Variants in PIAS1 observed in about 807,000 individuals in gnomAD.
PIAS1 encodes the protein E3 SUMO-protein ligase PIAS1.
A neutral mutation model predicts 71.3 loss-of-function variants in PIAS1; 6 were observed. The observed-to-expected ratio is 0.08, with a 90% confidence interval of 0.05 to 0.17. PIAS1 has a LOEUF of 0.17. PIAS1 is among the 10% of genes least tolerant of loss of function. The probability of loss-of-function intolerance (pLI) is 1.00; values close to 1 mark genes in which losing one functional copy is unlikely to be tolerated. For missense variants in PIAS1, 555 were observed against 793.6 expected (o/e 0.70, Z 3.61); for synonymous variants, 303 against 292.9 (o/e 1.03, Z -0.35).
At chr15:68,107,291 G>A (rs1404630320) in intron 2 of PIAS1, among the ~76,000 whole-genome samples, 1 of 152,142 alleles carries the variant, frequency 6.6e-6, no homozygotes, top group Non-Finnish European at 1.5e-5. Flanking sequence ...TAGCAAGTAT[G>A]CTTAGGTATG....
intron 12 of PIAS1, among the ~76,000 whole-genome samples, chr15:68,183,182 A>G (rs1354312809): frequency 1.3e-5 from 2 of 152,144 alleles, no homozygotes; most frequent in Admixed American, 6.5e-5. Context: ...TTAAGAAAGA[A>G]AAATCAGTAC....
intron 2 of PIAS1, among the ~76,000 whole-genome samples, chr15:68,106,932 C>T (rs1319540458): frequency 6.6e-6 from 1 of 152,058 alleles, no homozygotes; most frequent in Admixed American, 6.6e-5. Context: ...ATTTAGGGGC[C>T]ACATAGTTTG....
At chr15:68,119,608 A>G (rs1567050184) in intron 2 of PIAS1, among the ~76,000 whole-genome samples, 1 of 152,148 alleles carries the variant, frequency 6.6e-6, no homozygotes, top group Non-Finnish European at 1.5e-5. Flanking sequence ...ATCTTGGTAA[A>G]TGTTCTGTGT....
At chr15:68,082,021 C>G (rs1186947814) in intron 1 of PIAS1, among the ~76,000 whole-genome samples, 3 of 151,984 alleles carry the variant, frequency 2.0e-5, no homozygotes, top group African/African-American at 7.2e-5. Flanking sequence ...GATTATGGGT[C>G]AGATTGGTAC....
chr15:68,121,858 T>C (rs1222044003), intron 2 of PIAS1, among the ~76,000 whole-genome samples: 1 of 152,170 alleles, frequency 6.6e-6, no homozygotes, highest in African/African-American at 2.4e-5. Flanking sequence ...CTGGGCATGG[T>C]GGCTCACACC....
At chr15:68,133,161 G>A (rs2092699091) in intron 2 of PIAS1, among the ~76,000 whole-genome samples, 1 of 151,664 alleles carries the variant, frequency 6.6e-6, no homozygotes, top group Non-Finnish European at 1.5e-5. Context: ...TTTGGTTTTA[G>A]GGTATTCTAT....
At chr15:68,139,732 T>C (rs2141044541) in intron 2 of PIAS1, among the ~76,000 whole-genome samples, 2 of 152,266 alleles carry the variant, frequency 1.3e-5, no homozygotes, top group South Asian at 4.1e-4. Flanking sequence ...AGATTTCAGG[T>C]TTTATGTAAA....
intron 1 of PIAS1, among the ~76,000 whole-genome samples, chr15:68,075,855 C>T (rs190755225): frequency 6.7e-6 from 1 of 149,010 alleles, no homozygotes; most frequent in East Asian, 2.0e-4. Flanking sequence ...GATCTTGGCT[C>T]ACTACAACCT....
intron 1 of PIAS1, among the ~76,000 whole-genome samples, chr15:68,057,035 T>G (rs1460078442): frequency 6.6e-6 from 1 of 152,332 alleles, no homozygotes; most frequent in Non-Finnish European, 1.5e-5. Flanking sequence ...TACTTCATTT[T>G]GCTGTGGATT....
rs565767775 is a variant in PIAS1, at chr15:68,076,273, G to A, written c.25-10033G>A. Reference sequence around the variant, plus strand: ...CGAATGTAATCCTATCACTTTGGGAGGCCGAGGTGGGTGGATCATGTCAGG... The same window carrying A: ...CGAATGTAATCCTATCACTTTGGGAAGCCGAGGTGGGTGGATCATGTCAGG... On this transcript the variant is annotated intron_variant, in intron 1 of 13. Coordinates refer to ENST00000249636, the MANE Select transcript of PIAS1 (RefSeq NM_016166.3). Among the ~76,000 whole-genome samples, 4 of 152,246 alleles carry A rather than the reference G, an allele frequency of 2.6e-5. No homozygotes were observed. The South Asian group carries it at 8.3e-4, about 32-fold the overall frequency.
At chr15:68,121,921 T>C (rs1413355130) in intron 2 of PIAS1, among the ~76,000 whole-genome samples, 1 of 151,982 alleles carries the variant, frequency 6.6e-6, no homozygotes, top group East Asian at 1.9e-4. Context: ...TGAGTCCAAG[T>C]GTTTGAGACC....
chr15:68,193,833 G>T lies in PIAS1; in HGVS notation c.*5998G>T. On this transcript the variant is annotated 3_prime_UTR_variant, in exon 14 of 14. Transcript: ENST00000249636. ...AAATCAATACAAATCTTTTATTAAAGATCTACTCATACCATGGCTGAAATC... is the reference window on the plus strand; with the variant it reads ...AAATCAATACAAATCTTTTATTAAATATCTACTCATACCATGGCTGAAATC... The T allele has an allele frequency of 1.8e-6, 1 of 557,536 alleles. No homozygotes were observed. Among genetic ancestry groups the T allele is most frequent in the Non-Finnish European group, 3.2e-6 (1 of 308,440 alleles). 34.5% of individuals were successfully genotyped at this position (557,536 alleles called of 1,614,324 possible).
chr15:68,074,807 A>G (rs2092139887), intron 1 of PIAS1, among the ~76,000 whole-genome samples: 1 of 151,886 alleles, frequency 6.6e-6, no homozygotes, highest in African/African-American at 2.4e-5. Context: ...GTGCTTTTAA[A>G]AAAATTGCTT....
intron 2 of PIAS1, among the ~76,000 whole-genome samples, chr15:68,121,869 T>C (rs879710814): frequency 6.6e-6 from 1 of 152,210 alleles, no homozygotes; most frequent in African/African-American, 2.4e-5. Context: ...GGCTCACACC[T>C]GTAATCCCAG....
chr15:68,170,937 G>A (rs1319942614), intron 8 of PIAS1, among the ~76,000 whole-genome samples: 1 of 152,070 alleles, frequency 6.6e-6, no homozygotes, highest in East Asian at 1.9e-4. Flanking sequence ...CACCACACCT[G>A]GCCACTGTAA....
In PIAS1 at chr15:68,081,668, G is replaced by A. The variant is rs563390397; in HGVS notation, c.25-4638G>A. Reference sequence around the variant, plus strand: ...GTAAGCGTTAGGAGATAAAATTGAGGAAAATCCCAGAAGATAGAGCTAAAA... The same window carrying A: ...GTAAGCGTTAGGAGATAAAATTGAGAAAAATCCCAGAAGATAGAGCTAAAA... On this transcript the variant is annotated intron_variant, in intron 1 of 13. Transcript: ENST00000249636. 2.6e-5 allele frequency among the ~76,000 whole-genome samples: 4 copies of A among 151,946 alleles called. No individual in the cohort carries two copies. In the East Asian group the frequency reaches 7.7e-4, roughly 29 times the overall value.
rs74359297 is a variant in PIAS1, at chr15:68,116,444, T to C, written c.470-25502T>C. 2.0e-3 allele frequency among the ~76,000 whole-genome samples: 307 copies of C among 152,264 alleles called. 3 individuals carry two copies. In the East Asian group the frequency reaches 0.032, roughly 16 times the overall value. On this transcript the variant is annotated intron_variant, in intron 2 of 13. Transcript: ENST00000249636. ...ATGTAGTGATATAACCTCTTATTCC[T>C]GATATCGACAATCTATGTCTTTTCT...
rs751896177 is a variant in PIAS1 at position 68,187,845 on chromosome 15, C to G, written c.*10C>G. The G allele has an allele frequency of 1.9e-6, 3 of 1,607,690 alleles. No individual in the cohort carries two copies. The South Asian group carries it at 3.3e-5, about 18-fold the overall frequency. Reference sequence around the variant, plus strand: ...TATTTCATTGGACTGATTCCCAGGCCCTGCTGCTCCCATCCCCACCCCAGA... The same window carrying G: ...TATTTCATTGGACTGATTCCCAGGCGCTGCTGCTCCCATCCCCACCCCAGA... On this transcript the variant is annotated 3_prime_UTR_variant, in exon 14 of 14. Transcript: ENST00000249636. This position sits in a 1 kb window ranked among gnomAD's most constrained non-coding sequence, Gnocchi z 5.3.
chr15:68,186,797 A>C lies in PIAS1; in HGVS notation c.1663-745A>C, dbSNP rs1005326494. On this transcript the variant is annotated intron_variant, in intron 13 of 13. Coordinates refer to ENST00000249636, the MANE Select transcript of PIAS1 (RefSeq NM_016166.3). This position sits in a 1 kb window ranked among gnomAD's most constrained non-coding sequence, Gnocchi z 4.4. ...TACAGTTGCCTACGGCATTCAGCAC[A>C]GTAACATGCTGTACAGGTTTGTAGC... is the stretch of plus-strand genomic sequence containing the variant. 6.6e-6 allele frequency among the ~76,000 whole-genome samples: 1 copy of C among 152,264 alleles called. No homozygotes were observed. Among genetic ancestry groups the C allele is most frequent in the Non-Finnish European group, 1.5e-5 (1 of 68,052 alleles).
Sources: gnomAD v4.1 joint callset for allele counts (sites outside exome capture counted in the v4.1 genomes callset) on GRCh38, gnomAD v4.1.1 for gene constraint, Gnocchi (gnomAD v3.1) non-coding constraint, MANE v1.5 for transcripts, NCBI Gene and HGNC (gene_info 2026-07-23, HGNC 2026-07-21) for gene names.